Variants in DOCK2 observed in about 807,000 individuals in gnomAD.
DOCK2 encodes the protein dedicator of cytokinesis 2.
Under a neutral mutation model 248.9 loss-of-function variants are expected in DOCK2, and 87 were observed. The ratio of observed to expected loss-of-function variants is 0.35; its 90% CI spans 0.29 to 0.42. The LOEUF is 0.42. DOCK2 is among the 10% of genes least tolerant of loss of function. The pLI is 1.00. For synonymous variants in DOCK2, 805 were observed against 821.6 expected (o/e 0.98, Z 0.35); for missense variants, 1,747 against 2,300.2 (o/e 0.76, Z 4.92).
chr5:169,919,647 G>A (rs534519029), intron 27 of DOCK2, among the ~76,000 whole-genome samples: 7 of 152,286 alleles, frequency 4.6e-5, no homozygotes, highest in South Asian at 4.1e-4. Context: ...GACAGTTATC[G>A]TGGGGTCTTT....
At chr5:170,041,229 A>G in intron 37 of DOCK2, 84 bp downstream of exon 37, 1 of 1,290,790 alleles carries the variant, frequency 7.7e-7, no homozygotes, top group Non-Finnish European at 1.1e-6. Flanking sequence ...AAAGAAAAAA[A>G]AGAAAAAGAA....
intron 29 of DOCK2, among the ~76,000 whole-genome samples, chr5:169,991,533 G>A (rs1778205256): frequency 6.6e-6 from 1 of 152,246 alleles, no homozygotes. Context: ...CTTCTGTCCA[G>A]GCTTGGGTAT....
chr5:169,985,600 G>A (rs1331056072), intron 28 of DOCK2, among the ~76,000 whole-genome samples: 1 of 152,088 alleles, frequency 6.6e-6, no homozygotes, highest in South Asian at 2.1e-4. Flanking sequence ...AATTAATAGT[G>A]CTTTATTTTG....
chr5:169,908,083 GAAC>G (rs1463666144), intron 27 of DOCK2, among the ~76,000 whole-genome samples: 1 of 152,152 alleles, frequency 6.6e-6, no homozygotes, highest in Admixed American at 6.5e-5. Context: ...AGCTTTCATT[GAAC>G]AACAGAGCAA....
At chr5:169,779,716 C>T (rs555536741) in intron 25 of DOCK2, among the ~76,000 whole-genome samples, 4 of 152,272 alleles carry the variant, frequency 2.6e-5, no homozygotes, top group African/African-American at 9.6e-5. Context: ...CGCATCATCC[C>T]ATGCAGCCCC....
chr5:169,792,168 C>A (rs1766377958), intron 25 of DOCK2, among the ~76,000 whole-genome samples: 1 of 152,028 alleles, frequency 6.6e-6, no homozygotes, highest in Non-Finnish European at 1.5e-5. Flanking sequence ...GAGGTGCTGA[C>A]CAATCTGATA....
At chr5:169,677,924 G>A (rs983867509) in intron 6 of DOCK2, among the ~76,000 whole-genome samples, 3 of 152,290 alleles carry the variant, frequency 2.0e-5, no homozygotes, top group Admixed American at 1.3e-4. Context: ...TAGGGTGCAG[G>A]GGCTGTGTGT....
intron 27 of DOCK2, among the ~76,000 whole-genome samples, chr5:169,854,173 C>G (rs1439412666): frequency 1.3e-5 from 2 of 149,284 alleles, no homozygotes; most frequent in African/African-American, 4.9e-5. Context: ...AGGGGACAGT[C>G]AAACTTACTG....
chr5:170,017,378 A>G (rs1755570667), intron 32 of DOCK2, among the ~76,000 whole-genome samples: 1 of 152,156 alleles, frequency 6.6e-6, no homozygotes, highest in Non-Finnish European at 1.5e-5. Context: ...GAGCTTCAAT[A>G]ATAGGGTTGC....
chr5:169,753,900 G>C (rs1368104490), intron 23 of DOCK2, among the ~76,000 whole-genome samples: 1 of 152,296 alleles, frequency 6.6e-6, no homozygotes, highest in East Asian at 1.9e-4. Context: ...CGTTTTTCCA[G>C]TTTCTATGGA....
intron 6 of DOCK2, among the ~76,000 whole-genome samples, chr5:169,675,641 TA>T (rs1056235914): frequency 6.6e-6 from 1 of 152,062 alleles, no homozygotes; most frequent in African/African-American, 2.4e-5. Context: ...TTAAGCAGGC[TA>T]AAAAAGGAGA....
chr5:169,871,325 A>T (rs998398905), intron 27 of DOCK2, among the ~76,000 whole-genome samples: 3 of 152,214 alleles, frequency 2.0e-5, no homozygotes, highest in Non-Finnish European at 2.9e-5. Context: ...AGAAGAAACA[A>T]AAAGAGAGTA....
chr5:169,708,230 A>G lies in DOCK2; in HGVS notation c.1445A>G (p.Tyr482Cys). 2 of 1,613,990 alleles carry G rather than the reference A, an allele frequency of 1.2e-6. No homozygotes were observed. The highest frequency in any genetic ancestry group is 1.1e-5 in the South Asian group (1 of 91,034). ...PMNEYRSVVY[Y>C]QVKQPRWMET... is the part of the protein sequence containing the mutation. Reference sequence around the variant, plus strand: ...AATGAGTATCGCTCCGTTGTGTACTATCAAGTCAAACAGCCACGCTGGATG... The same window carrying G: ...AATGAGTATCGCTCCGTTGTGTACTGTCAAGTCAAACAGCCACGCTGGATG... Residue 482 changes from tyrosine to cysteine, a missense_variant, in exon 15 of 52, where the codon TAT (tyrosine) becomes TGT (cysteine). Tyr to Cys is a radical substitution (Grantham distance 194). This residue lies in a region of DOCK2 where 858 missense variants were observed against 1,183.5 expected (regional missense o/e 0.72). Transcript: ENST00000520908.
At chr5:169,848,564 A>C (rs1001649836) in intron 27 of DOCK2, among the ~76,000 whole-genome samples, 5 of 152,236 alleles carry the variant, frequency 3.3e-5, no homozygotes, top group African/African-American at 1.2e-4. Context: ...GGGATGAACA[A>C]TCCCATAGGG....
chr5:169,784,944 A>C (rs1235939131), intron 25 of DOCK2, among the ~76,000 whole-genome samples: 1 of 152,230 alleles, frequency 6.6e-6, no homozygotes, highest in Non-Finnish European at 1.5e-5. Flanking sequence ...TAAAGCTTGG[A>C]AAATACTTGA....
chr5:169,839,746 A>G (rs1354999479), intron 26 of DOCK2, among the ~76,000 whole-genome samples: 1 of 152,214 alleles, frequency 6.6e-6, no homozygotes, highest in African/African-American at 2.4e-5. Flanking sequence ...TACAAGCACC[A>G]TGTGGTTACC....
At chr5:169,734,333 CTT>C (rs1446243627) in intron 22 of DOCK2, among the ~76,000 whole-genome samples, 1 of 151,998 alleles carries the variant, frequency 6.6e-6, no homozygotes. Flanking sequence ...GGTTTGTACA[CTT>C]TGTTGCATAA....
At chr5:169,920,059 C>T (rs1775087658) in intron 27 of DOCK2, among the ~76,000 whole-genome samples, 1 of 152,128 alleles carries the variant, frequency 6.6e-6, no homozygotes, top group African/African-American at 2.4e-5. Flanking sequence ...CACAACACAA[C>T]TTTGTGAGAT....
chr5:170,011,377 T>C (rs1436156957), intron 32 of DOCK2, among the ~76,000 whole-genome samples: 1 of 152,216 alleles, frequency 6.6e-6, no homozygotes, highest in African/African-American at 2.4e-5. Flanking sequence ...TCAAGCACCT[T>C]AGCCAGAGTG....
Sources: gnomAD v4.1 joint callset for allele counts (sites outside exome capture counted in the v4.1 genomes callset) on GRCh38, gnomAD v4.1.1 for gene constraint, gnomAD v4.1.1 regional missense constraint, MANE v1.5 for transcripts, NCBI Gene and HGNC (gene_info 2026-07-23, HGNC 2026-07-21) for gene names.